ZNF30: variants seen among roughly 807,000 people sequenced by gnomAD.
ZNF30 encodes the protein zinc finger protein 30.
ZNF30 carries 15 observed loss-of-function variants against 13.2 expected under a neutral mutation model. That is an observed-to-expected ratio of 1.13 (90% CI 0.76 to 1.75). The LOEUF (loss-of-function observed/expected upper bound fraction) is 1.75. Ranked by LOEUF, ZNF30 falls within the 40% of genes most tolerant of loss-of-function variation. The pLI is 0.00. For missense variants in ZNF30, 726 were observed against 757.0 expected, an observed-to-expected ratio of 0.96 and a Z score of 0.48; for synonymous variants, 223 against 256.6, an observed-to-expected ratio of 0.87 and a Z score of 1.25.
rs1056721601 is a variant in ZNF30, at chr19:34,945,047, A to C, written c.*209A>C. Reference sequence around the variant, plus strand: ...CAATATTTATACTGGTGGACCATTCAGAAAAAGTGGGAAACGTTATTACTT... The same window carrying C: ...CAATATTTATACTGGTGGACCATTCCGAAAAAGTGGGAAACGTTATTACTT... On this transcript the variant is annotated 3_prime_UTR_variant, in exon 5 of 5. Coordinates refer to ENST00000601142, the MANE Select transcript of ZNF30 (RefSeq NM_194325.3). The C allele has an allele frequency of 2.0e-6, 1 of 508,132 alleles. No homozygotes were observed. The highest frequency in any genetic ancestry group is 3.3e-6 in the Non-Finnish European group (1 of 303,910). The allele number at this position is 508,132 out of a possible 1,614,324, so 31.5% of individuals were successfully genotyped here. A position where few individuals can be genotyped will look rare whatever the true frequency, so the allele number is the denominator to read the frequency against.
intron 3 of ZNF30, among the ~76,000 whole-genome samples, chr19:34,932,904 C>T (rs1239636158): frequency 6.6e-6 from 1 of 151,640 alleles, no homozygotes; most frequent in East Asian, 2.0e-4. Context: ...CCTCAGCCTC[C>T]CTAGTAGCTG....
Position 34,931,958 on chromosome 19 carries a change from T to G in ZNF30, c.125T>G (p.Val42Gly). 6.2e-7 allele frequency: 1 copy of G among 1,604,088 alleles called. No individual in the cohort carries two copies. The highest frequency in any genetic ancestry group is 8.5e-7 in the Non-Finnish European group (1 of 1,176,934). ...TCCCAGAGGGGCTTGTACAGAGATG[T>G]GATGTTGGAGAACTACAGGAACTTG... is the stretch of plus-strand genomic sequence containing the variant. ...DSSQRGLYRD[V>G]MLENYRNLVS... is the part of the protein sequence containing the mutation. Residue 42 changes from valine to glycine, a missense_variant, in exon 3 of 5, where the codon GTG (valine) becomes GGG (glycine). Transcript: ENST00000601142.
chr19:34,925,296 T>C (rs986216420), upstream of ZNF30, among the ~76,000 whole-genome samples: 1 of 152,244 alleles, frequency 6.6e-6, no homozygotes, highest in Non-Finnish European at 1.5e-5. Context: ...CCTGTCTTGG[T>C]GTACCAGAAG....
Position 34,944,881 on chromosome 19 carries a change from A to G in ZNF30, c.*43A>G. ...GAAGTGCTTCGTGTGTGGCTCAAAC[A>G]TTGTTGAACATCGGGGAATTTATGC... On this transcript the variant is annotated 3_prime_UTR_variant, in exon 5 of 5. Coordinates refer to ENST00000601142, the MANE Select transcript of ZNF30 (RefSeq NM_194325.3). 1 of 1,495,166 alleles carries G rather than the reference A, an allele frequency of 6.7e-7. No homozygotes were observed. Among genetic ancestry groups the G allele is most frequent in the Non-Finnish European group, 8.9e-7 (1 of 1,119,518 alleles). The allele number at this position is 1,495,166 out of a possible 1,614,324, so 92.6% of individuals were successfully genotyped here. A position where few individuals can be genotyped will look rare whatever the true frequency, so the allele number is the denominator to read the frequency against.
At position 34,944,585 on chromosome 19, in the gene ZNF30, A is replaced by G. The variant is rs370027786; in HGVS notation, c.1619A>G (p.Tyr540Cys). The G allele has an allele frequency of 2.5e-6, 4 of 1,614,156 alleles. No individual in the cohort carries two copies. The highest frequency in any genetic ancestry group is 1.1e-5 in the South Asian group (1 of 91,080). The change falls in exon 5 of 5, where the codon TAT (tyrosine) becomes TGT (cysteine). Residue 540 changes from tyrosine to cysteine, a missense_variant. By Grantham distance (194) the Tyr-to-Cys change is radical. Transcript: ENST00000601142. Reference sequence around the variant, plus strand: ...AGAATTCATACTGGGGAGAAACCCTATGAATGTAACAAATGTGGGAAAGCC... The same window carrying G: ...AGAATTCATACTGGGGAGAAACCCTGTGAATGTAACAAATGTGGGAAAGCC... ...HQRIHTGEKPYECNKCGKAFT... is the reference protein window; with the variant it reads ...HQRIHTGEKPCECNKCGKAFT...
In ZNF30 at chr19:34,927,014, T is replaced by C. The variant is rs1186838105; in HGVS notation, c.-267T>C. ...TGAAACTACATTTCTCAGCGGCCAC[T>C]GGAACGACCTCAATCTCTGCCTCCT... is the stretch of plus-strand genomic sequence containing the variant. On this transcript the variant is annotated 5_prime_UTR_variant, in exon 1 of 5. Coordinates refer to ENST00000601142, the MANE Select transcript of ZNF30 (RefSeq NM_194325.3). 5.0e-6 allele frequency: 2 copies of C among 398,640 alleles called. No homozygotes were observed. The highest frequency in any genetic ancestry group is 4.1e-5 in the African/African-American group (2 of 48,760). 24.7% of individuals were successfully genotyped at this position (398,640 alleles called of 1,614,324 possible). A position where few individuals can be genotyped will look rare whatever the true frequency, so the allele number is the denominator to read the frequency against.
intron 4 of ZNF30, among the ~76,000 whole-genome samples, chr19:34,938,768 A>C (rs2012872405): frequency 6.6e-6 from 1 of 152,132 alleles, no homozygotes; most frequent in Non-Finnish European, 1.5e-5. Flanking sequence ...TCTGTTTGGA[A>C]AATGCCATAG....
chr19:34,926,220 A>C, upstream of ZNF30, among the ~76,000 whole-genome samples: 1 of 152,202 alleles, frequency 6.6e-6, no homozygotes, highest in Non-Finnish European at 1.5e-5. Flanking sequence ...CTGACAGTCA[A>C]GGTGAATTTC....
At chr19:34,933,839 G>A in intron 4 of ZNF30, 116 bp downstream of exon 4, 1 of 634,914 alleles carries the variant, frequency 1.6e-6, no homozygotes, top group Non-Finnish European at 2.7e-6. Flanking sequence ...CTAGGGCCTG[G>A]GTGGAAAAAG....
At position 34,938,493 on chromosome 19, in the gene ZNF30, A is replaced by C. The variant is rs148638397; in HGVS notation, c.257-4730A>C. Among the ~76,000 whole-genome samples the C allele has an allele frequency of 3.5e-3, 528 of 152,244 alleles. 27 individuals carry two copies. The South Asian group carries it at 0.095, about 27-fold the overall frequency. On this transcript the variant is annotated intron_variant, in intron 4 of 4. Transcript: ENST00000601142. ...TGCCAACTGAGTTAAAAACTCCATA[A>C]TAATCTTCACCTAGATTCACTAGTT...
intron 4 of ZNF30, among the ~76,000 whole-genome samples, chr19:34,935,515 A>G (rs946138857): frequency 5.3e-5 from 8 of 152,052 alleles, no homozygotes; most frequent in Non-Finnish European, 1.0e-4. Context: ...TGCTATGCTT[A>G]TGGACACCTG....
chr19:34,932,649 A>G (rs2012512911), intron 3 of ZNF30, among the ~76,000 whole-genome samples: 1 of 152,190 alleles, frequency 6.6e-6, no homozygotes, highest in Admixed American at 6.5e-5. Flanking sequence ...TTTAGGTGAG[A>G]ATGCTAAATA....
Position 34,943,635 on chromosome 19 carries a change from G to C in ZNF30, c.669G>C (p.Lys223Asn), listed in dbSNP as rs376465997. The change falls in exon 5 of 5, where the codon AAG becomes AAC. Residue 223 changes from lysine (K) to asparagine (N), a missense_variant. Physicochemically the swap from Lys to Asn is moderately conservative, Grantham distance 94. Coordinates refer to ENST00000601142, the MANE Select transcript of ZNF30 (RefSeq NM_194325.3). The stretch of plus-strand genomic sequence containing the variant: ...GTAGCTATCAACTTACAGTACATAA[G>C]AGTATTCATACTGGGAAGAAACCAT... ...ISGSYQLTVHKSIHTGKKPYE... is the reference protein window; with the variant it reads ...ISGSYQLTVHNSIHTGKKPYE... 6.2e-7 allele frequency: 1 copy of C among 1,613,722 alleles called. No individual in the cohort carries two copies. The highest frequency in any genetic ancestry group is 8.5e-7 in the Non-Finnish European group (1 of 1,179,806).
Position 34,943,669 on chromosome 19 carries a change from G to A in ZNF30, c.703G>A (p.Gly235Arg), listed in dbSNP as rs373307585. ...TACTGGGAAGAAACCATATGAGTGC[G>A]GGGAATGTGGGAAAGCTTTTCTAGT... ...IHTGKKPYEC[G>R]ECGKAFLVYG... Residue 235 changes from glycine to arginine, a missense_variant, in exon 5 of 5, where the codon GGG (glycine) becomes AGG (arginine). Physicochemically the swap from Gly to Arg is moderately radical, Grantham distance 125. Transcript: ENST00000601142. 68 of 1,613,462 alleles carry A rather than the reference G, an allele frequency of 4.2e-5. No individual in the cohort carries two copies. The South Asian group carries it at 4.3e-4, about 10-fold the overall frequency.
chr19:34,932,872 C>A (rs568902005), intron 3 of ZNF30, among the ~76,000 whole-genome samples: 1 of 151,682 alleles, frequency 6.6e-6, no homozygotes, highest in East Asian at 2.0e-4. Flanking sequence ...CCTCCACCTC[C>A]CAGGTTCAAG....
Position 34,929,884 on chromosome 19 carries a change from C to A in ZNF30, c.-64C>A. On this transcript the variant is annotated splice_region_variant and 5_prime_UTR_variant, in exon 2 of 5. Transcript: ENST00000601142. ...CTTTTCTCCTCTCTGGATTTTCTAG[C>A]TTTTGAACTTCTCAGATAGAGGAAC... 2.0e-6 allele frequency: 3 copies of A among 1,496,642 alleles called. No individual in the cohort carries two copies. Among genetic ancestry groups the A allele is most frequent in the Non-Finnish European group, 1.8e-6 (2 of 1,100,908 alleles). The allele number at this position is 1,496,642 out of a possible 1,614,324, so 92.7% of individuals were successfully genotyped here. A position where few individuals can be genotyped will look rare whatever the true frequency, so the allele number is the denominator to read the frequency against.
At chr19:34,934,705 T>C (rs1600223065) in intron 4 of ZNF30, among the ~76,000 whole-genome samples, 1 of 152,154 alleles carries the variant, frequency 6.6e-6, no homozygotes, top group African/African-American at 2.4e-5. Flanking sequence ...TGATGAGTTA[T>C]TATGAGGCAG....
At chr19:34,936,885 AC>A (rs926248193) in intron 4 of ZNF30, among the ~76,000 whole-genome samples, 4 of 151,364 alleles carry the variant, frequency 2.6e-5, no homozygotes, top group African/African-American at 9.7e-5. Flanking sequence ...AACAGAGAAA[AC>A]CCCTGTCTCA....
upstream of ZNF30, among the ~76,000 whole-genome samples, chr19:34,925,110 G>T (rs565303196): frequency 6.6e-6 from 1 of 152,194 alleles, no homozygotes; most frequent in East Asian, 1.9e-4. Flanking sequence ...GTATACAGAC[G>T]GGCGGGCTGT....
Sources: allele counts gnomAD v4.1 joint callset (sites outside exome capture counted in the v4.1 genomes callset), GRCh38; gene constraint gnomAD v4.1.1; transcripts MANE v1.5; gene names NCBI Gene and HGNC (gene_info 2026-07-23, HGNC 2026-07-21).